SYNE1: variants seen among roughly 807,000 people sequenced by gnomAD.
SYNE1 encodes the protein spectrin repeat containing nuclear envelope protein 1.
SYNE1 carries 616 observed loss-of-function variants against 1,111.0 expected under a neutral mutation model. That is an observed-to-expected ratio of 0.55 (90% confidence interval 0.52 to 0.59). The LOEUF (loss-of-function observed/expected upper bound fraction) is 0.59. Among genes scored for constraint, SYNE1 ranks in the 20% least tolerant of loss-of-function variants. The pLI is 0.00. For synonymous variants in SYNE1, 3,855 were observed against 3,825.8 expected (o/e 1.01, Z -0.28); for missense variants, 10,006 against 10,417.0 (o/e 0.96, Z 1.72).
rs1296692822 is a variant in SYNE1 at position 152,141,311 on chromosome 6, A to T, written c.25138T>A (p.Cys8380Ser). ...YKGYMKLLGE[C>S]SSSIDSVKRL... is the part of the protein sequence containing the mutation. ...TTCACGGAGTCTATACTGCTACTGC[A>T]TTCGCCCAGCAGTTTCATCTGTTTA... The change falls in exon 139 of 146, where the codon TGC (cysteine) becomes AGC (serine). Residue 8380 changes from cysteine to serine, a missense_variant. By Grantham distance (112) the Cys-to-Ser change is moderately radical. Transcript: ENST00000367255. 1.2e-6 allele frequency: 2 copies of T among 1,614,116 alleles called. No homozygotes were observed. Among genetic ancestry groups the T allele is most frequent in the Non-Finnish European group, 1.7e-6 (2 of 1,180,008 alleles).
At chr6:152,336,710 C>G in intron 76 of SYNE1, 131 bp downstream of exon 76, 1 of 1,247,480 alleles carries the variant, frequency 8.0e-7, no homozygotes, top group South Asian at 1.2e-5. Flanking sequence ...GGACCTCTGC[C>G]TTAAAGAGTT....
chr6:152,143,472 C>T, intron 138 of SYNE1, 151 bp downstream of exon 138: 1 of 1,134,444 alleles, frequency 8.8e-7, no homozygotes, highest in Non-Finnish European at 1.3e-6. Context: ...AACTTAATAA[C>T]AGGGCTTGGC....
intron 121 of SYNE1, 90 bp from the exon 122 acceptor site, chr6:152,215,150 A>G: frequency 6.8e-6 from 10 of 1,470,988 alleles, no homozygotes; most frequent in East Asian, 2.3e-5. Context: ...GATTTCAGGA[A>G]GTAGCTGGTC....
At chr6:152,144,826 T>A (rs2059186051) in intron 137 of SYNE1, 1 of 155,582 alleles carries the variant, frequency 6.4e-6, no homozygotes, top group Non-Finnish European at 1.4e-5. Flanking sequence ...ACAGTTTGTC[T>A]AACACAACAC....
At chr6:152,348,159 GTACCTGC>G (rs1163522531) in intron 72 of SYNE1, among the ~76,000 whole-genome samples, 1 of 151,888 alleles carries the variant, frequency 6.6e-6, no homozygotes, top group Non-Finnish European at 1.5e-5. Flanking sequence ...CATTTATTAA[GTACCTGC>G]TATAGTCCAG....
At position 152,139,966 on chromosome 6, in the gene SYNE1, T is replaced by C. The variant is rs773359682; in HGVS notation, c.25442A>G (p.Gln8481Arg). 1.2e-6 allele frequency: 2 copies of C among 1,613,740 alleles called. No homozygotes were observed. Among genetic ancestry groups the C allele is most frequent in the Admixed American group, 3.3e-5 (2 of 60,026 alleles). The change falls in exon 140 of 146, where the codon CAG becomes CGG. Residue 8481 changes from glutamine (Q) to arginine (R), a missense_variant. Transcript: ENST00000367255. ...GGCAGCTACCTTGAGCTTTTTGATC[T>C]GGAGCTCGATGGTCTGGATGTCAGT... is the stretch of plus-strand genomic sequence containing the variant. ...LSTDIQTIEL[Q>R]IKKLKELQKA...
At chr6:152,475,417 C>T (rs1002025232) in intron 14 of SYNE1, among the ~76,000 whole-genome samples, 1 of 152,168 alleles carries the variant, frequency 6.6e-6, no homozygotes, top group African/African-American at 2.4e-5. Context: ...AATTATCTAA[C>T]ATAAAGCCAA....
In SYNE1 at chr6:152,221,491, T is replaced by C. The variant is rs756198608; in HGVS notation, c.21591A>G (p.Leu7197=). Residue 7197 remains leucine (L), a synonymous_variant, in exon 118 of 146, where the codon TTA becomes TTG. Coordinates refer to ENST00000367255, the MANE Select transcript of SYNE1 (RefSeq NM_182961.4). ...TCACGGGTGGGTGACACTCTTTTAA[T>C]AATTGGTTGGTGATAGAGCCAAATT... ...LQKFGSITNQ[L]LKECHPPVTE... is the part of the protein sequence containing the mutation. 5 of 1,614,026 alleles carry C rather than the reference T, an allele frequency of 3.1e-6. No individual in the cohort carries two copies. Among genetic ancestry groups the C allele is most frequent in the Admixed American group, 1.7e-5 (1 of 60,020 alleles).
At chr6:152,502,862 C>A (rs1035067919) in intron 9 of SYNE1, 120 bp from the exon 10 acceptor site, 10 of 792,370 alleles carry the variant, frequency 1.3e-5, no homozygotes, top group Non-Finnish European at 1.9e-5. Flanking sequence ...AACAGAAGTA[C>A]TATTTAGAAT....
Position 152,542,650 on chromosome 6 carries a change from T to C in SYNE1, c.68-2629A>G, listed in dbSNP as rs1367086683. On this transcript the variant is annotated intron_variant, in intron 3 of 145. Coordinates refer to ENST00000367255, the MANE Select transcript of SYNE1 (RefSeq NM_182961.4). The stretch of plus-strand genomic sequence containing the variant: ...ACAGCCATGTTGTAGACTTCAGATA[T>C]CTAGTAGTATACTATGCCATTATAC... 8.5e-5 allele frequency among the ~76,000 whole-genome samples: 13 copies of C among 152,278 alleles called. No individual in the cohort carries two copies. The East Asian group carries it at 2.5e-3, about 29-fold the overall frequency.
intron 98 of SYNE1, among the ~76,000 whole-genome samples, chr6:152,270,882 G>C (rs1013245425): frequency 2.0e-5 from 3 of 152,222 alleles, no homozygotes; most frequent in Non-Finnish European, 4.4e-5. Context: ...GATCTAGAGT[G>C]AGGGCATTCA....
At chr6:152,476,474 C>T (rs996972190) in intron 14 of SYNE1, among the ~76,000 whole-genome samples, 1 of 152,154 alleles carries the variant, frequency 6.6e-6, no homozygotes, top group Admixed American at 6.5e-5. Flanking sequence ...GTTCAAAGCA[C>T]TCTAACTGGA....
In SYNE1 at chr6:152,417,274, A is replaced by G. The variant is rs7738706; in HGVS notation, c.5422-259T>C. Among the ~76,000 whole-genome samples the G allele has an allele frequency of 0.21, 31,222 of 152,118 alleles. 3,366 individuals are homozygous for G. The highest frequency in any genetic ancestry group is 0.36 in the East Asian group (1,851 of 5,164). On this transcript the variant is annotated intron_variant, in intron 40 of 145. Transcript: ENST00000367255. ...AGCACTTTGGGAGGCCAAGGCGGGC[A>G]GATCACGAGGTCAGGAGATCGAAAC...
At chr6:152,156,160 G>C in intron 131 of SYNE1, 63 bp from the exon 132 acceptor site, 1 of 1,570,930 alleles carries the variant, frequency 6.4e-7, no homozygotes, top group Non-Finnish European at 8.8e-7. Context: ...AGAAACTGAA[G>C]CAACCTATGT....
intron 109 of SYNE1, 44 bp downstream of exon 109, chr6:152,236,773 A>T: frequency 1.2e-6 from 2 of 1,611,984 alleles, no homozygotes; most frequent in Non-Finnish European, 1.7e-6. Context: ...TGTTAAAACT[A>T]TTGGTAAGTT....
At chr6:152,611,375 CA>C (rs2099630870) in intron 3 of SYNE1, among the ~76,000 whole-genome samples, 1 of 151,994 alleles carries the variant, frequency 6.6e-6, no homozygotes, top group African/African-American at 2.4e-5. Flanking sequence ...GACTTTAAAC[CA>C]ACAAAGATCA....
intron 66 of SYNE1, among the ~76,000 whole-genome samples, chr6:152,357,435 A>T (rs1300836143): frequency 1.3e-5 from 2 of 152,224 alleles, no homozygotes; most frequent in Non-Finnish European, 2.9e-5. Context: ...AACTCTGATC[A>T]GGACTGATGG....
chr6:152,206,941 G>A (rs1401519520), intron 125 of SYNE1, among the ~76,000 whole-genome samples: 1 of 152,198 alleles, frequency 6.6e-6, no homozygotes, highest in Non-Finnish European at 1.5e-5. Flanking sequence ...TACTAAAAGT[G>A]ACTGGGGTTC....
At chr6:152,584,215 TG>T (rs2128451563) in intron 3 of SYNE1, among the ~76,000 whole-genome samples, 1 of 152,080 alleles carries the variant, frequency 6.6e-6, no homozygotes, top group South Asian at 2.1e-4. Context: ...CATATACACT[TG>T]CAGTAGTGCC....
Sources: allele counts gnomAD v4.1 joint callset (sites outside exome capture counted in the v4.1 genomes callset), GRCh38; gene constraint gnomAD v4.1.1; transcripts MANE v1.5; gene names NCBI Gene and HGNC (gene_info 2026-07-23, HGNC 2026-07-21).